PLPPR1: variants seen among roughly 807,000 people sequenced by gnomAD.
PLPPR1 encodes phospholipid phosphatase related 1.
PLPPR1 carries 10 observed loss-of-function variants against 33.1 expected under a neutral mutation model. The observed-to-expected ratio is 0.30, with a 90% CI of 0.19 to 0.51. The LOEUF is 0.51. Among genes scored for constraint, PLPPR1 ranks in the 20% least tolerant of loss-of-function variants. The pLI is 0.97. For synonymous variants in PLPPR1, 151 were observed against 151.0 expected (o/e 1.00, Z 0.00); for missense variants, 304 against 408.1 (o/e 0.74, Z 2.20).
chr9:101,169,351 ATT>A (rs5899434), intron 1 of PLPPR1, among the ~76,000 whole-genome samples: 82,016 of 151,970 alleles, frequency 0.54, 22,547 homozygotes, highest in African/African-American at 0.62. Context: ...TTTTGTGGCC[ATT>A]TTTTTTTCTA....
intron 4 of PLPPR1, among the ~76,000 whole-genome samples, chr9:101,300,291 A>T (rs894506476): frequency 6.6e-5 from 10 of 152,058 alleles, no homozygotes; most frequent in African/African-American, 2.2e-4. Flanking sequence ...CTCCCACCTC[A>T]GTCTCCTGAG....
chr9:101,228,800 T>C (rs1827124801), intron 2 of PLPPR1, among the ~76,000 whole-genome samples: 1 of 152,094 alleles, frequency 6.6e-6, no homozygotes, highest in Non-Finnish European at 1.5e-5. Context: ...TGAAGGCAAC[T>C]GGACAAAGTA....
At chr9:101,156,896 T>C (rs1408008975) in intron 1 of PLPPR1, among the ~76,000 whole-genome samples, 1 of 127,074 alleles carries the variant, frequency 7.9e-6, no homozygotes, top group African/African-American at 2.7e-5. Context: ...AAGGTTAAGA[T>C]AATAAAGGTC....
chr9:101,128,629 T>C (rs1831276443), intron 1 of PLPPR1, among the ~76,000 whole-genome samples: 1 of 152,202 alleles, frequency 6.6e-6, no homozygotes, highest in African/African-American at 2.4e-5. Flanking sequence ...CCCAAGTTAA[T>C]CTGAGTTATC....
chr9:101,318,358 G>C (rs12684829), intron 7 of PLPPR1, among the ~76,000 whole-genome samples: 40,393 of 152,094 alleles, frequency 0.27, 5,645 homozygotes, highest in African/African-American at 0.34. Context: ...CTGGACAGAT[G>C]ATATGAAGCA....
intron 1 of PLPPR1, among the ~76,000 whole-genome samples, chr9:101,030,131 T>C (rs1829926661): frequency 6.6e-6 from 1 of 151,950 alleles, no homozygotes; most frequent in Admixed American, 6.6e-5. Flanking sequence ...AAATCCTTTC[T>C]ACTACTGGGG....
Position 101,202,202 on chromosome 9 carries a change from T to C in PLPPR1, c.63+16645T>C, listed in dbSNP as rs77689993. Among the ~76,000 whole-genome samples the C allele has an allele frequency of 2.6e-5, 4 of 152,312 alleles. No individual in the cohort carries two copies. In the East Asian group the frequency reaches 7.7e-4, roughly 29 times the overall value. On this transcript the variant is annotated intron_variant, in intron 2 of 7. Transcript: ENST00000374874. The stretch of plus-strand genomic sequence containing the variant: ...CTGTGACACATGCTTCCAAGGAAAA[T>C]TAAGACCTTGGTTGGTTGTTTAATG...
intron 1 of PLPPR1, among the ~76,000 whole-genome samples, chr9:101,181,527 A>G (rs535241801): frequency 5.3e-4 from 80 of 151,512 alleles, no homozygotes; most frequent in African/African-American, 1.9e-3. Context: ...TGTTCATTGC[A>G]GCATTATTCA....
chr9:101,073,613 C>T (rs762322381), intron 1 of PLPPR1, among the ~76,000 whole-genome samples: 4 of 152,060 alleles, frequency 2.6e-5, no homozygotes, highest in Non-Finnish European at 5.9e-5. Flanking sequence ...TGCTGAATAC[C>T]TAGATAAGCT....
chr9:101,201,070 C>A (rs735847), intron 2 of PLPPR1, among the ~76,000 whole-genome samples: 19,037 of 152,160 alleles, frequency 0.13, 1,430 homozygotes, highest in East Asian at 0.28. Flanking sequence ...GGGAATTCCA[C>A]GGTCAAGCTT....
intron 4 of PLPPR1, among the ~76,000 whole-genome samples, chr9:101,308,156 A>G (rs969283701): frequency 6.6e-6 from 1 of 152,214 alleles, no homozygotes; most frequent in African/African-American, 2.4e-5. Context: ...GTTACCTTAC[A>G]TGGCAAAAGG....
intron 1 of PLPPR1, among the ~76,000 whole-genome samples, chr9:101,065,145 T>A (rs1830395793): frequency 6.6e-6 from 1 of 152,076 alleles, no homozygotes; most frequent in South Asian, 2.1e-4. Flanking sequence ...TGCAGAGCAT[T>A]TTAAGGACTT....
intron 2 of PLPPR1, among the ~76,000 whole-genome samples, chr9:101,218,549 G>A (rs1826853083): frequency 6.6e-6 from 1 of 152,150 alleles, no homozygotes; most frequent in Admixed American, 6.5e-5. Flanking sequence ...TCATAAGGAT[G>A]TGACACTTAA....
At chr9:101,070,256 T>TCATTTATGTCAGTATGG (rs1358397818) in intron 1 of PLPPR1, among the ~76,000 whole-genome samples, 1 of 152,150 alleles carries the variant, frequency 6.6e-6, no homozygotes, top group African/African-American at 2.4e-5. Flanking sequence ...CTCATTTATT[T>TCATTTATGTCAGTATGG]ACTTAGTCAT....
chr9:101,275,546 G>C (rs983696479), intron 3 of PLPPR1, among the ~76,000 whole-genome samples: 3 of 152,178 alleles, frequency 2.0e-5, no homozygotes, highest in Admixed American at 6.5e-5. Flanking sequence ...GTCTATGCTT[G>C]AAAGAAATCT....
chr9:101,216,716 T>C (rs117023552), intron 2 of PLPPR1, among the ~76,000 whole-genome samples: 5,737 of 152,260 alleles, frequency 0.038, 140 homozygotes, highest in Middle Eastern at 0.058. Flanking sequence ...ATCAGCACCA[T>C]TGATATTTGG....
At position 101,158,315 on chromosome 9, in the gene PLPPR1, C is replaced by T. The variant is rs574591864; in HGVS notation, c.-45-27135C>T. 1.1e-4 allele frequency among the ~76,000 whole-genome samples: 17 copies of T among 152,148 alleles called. No individual in the cohort carries two copies. The South Asian group carries it at 3.3e-3, about 30-fold the overall frequency. On this transcript the variant is annotated intron_variant, in intron 1 of 7. Coordinates refer to ENST00000374874, the MANE Select transcript of PLPPR1 (RefSeq NM_207299.2). Reference sequence around the variant, plus strand: ...GGAAAGAGATGAGAGAGGGTTTCATCACAGTGAGGAAAGATTGTTTCCTAG... The same window carrying T: ...GGAAAGAGATGAGAGAGGGTTTCATTACAGTGAGGAAAGATTGTTTCCTAG...
chr9:101,171,845 A>G (rs1825946496), intron 1 of PLPPR1, among the ~76,000 whole-genome samples: 1 of 152,186 alleles, frequency 6.6e-6, no homozygotes, highest in Non-Finnish European at 1.5e-5. Flanking sequence ...AATGATTCAG[A>G]ATAGGGAGGG....
At chr9:101,294,232 C>T (rs1212620710) in intron 4 of PLPPR1, among the ~76,000 whole-genome samples, 1 of 151,630 alleles carries the variant, frequency 6.6e-6, no homozygotes, top group African/African-American at 2.4e-5. Context: ...GACACATACA[C>T]CCTCCCAAGA....
Sources: gnomAD v4.1 joint callset for allele counts (sites outside exome capture counted in the v4.1 genomes callset) on GRCh38, gnomAD v4.1.1 for gene constraint, MANE v1.5 for transcripts, NCBI Gene and HGNC (gene_info 2026-07-23, HGNC 2026-07-21) for gene names.